Variants in BAHD1 observed in about 807,000 individuals in gnomAD.
BAHD1 encodes the protein bromo adjacent homology domain containing 1, also known as bromo adjacent homology domain-containing 1 protein.
A neutral mutation model predicts 63.1 loss-of-function variants in BAHD1; 20 were observed. The ratio of observed to expected loss-of-function variants is 0.32; its 90% confidence interval spans 0.22 to 0.46. The LOEUF is 0.46. BAHD1 is among the 20% of genes least tolerant of loss of function. The pLI is 1.00. For synonymous variants in BAHD1, 408 were observed against 426.8 expected (o/e 0.96, Z 0.54); for missense variants, 939 against 1,071.8 (o/e 0.88, Z 1.73).
rs1288381299 is a variant in BAHD1, at chr15:40,464,393, G to GCAGC, written c.1976-68_1976-65dup. 7 of 1,300,178 alleles carry GCAGC rather than the reference G, an allele frequency of 5.4e-6. No homozygotes were observed. The African/African-American group carries it at 8.8e-5, about 16-fold the overall frequency. The allele number at this position is 1,300,178 out of a possible 1,614,324, so 80.5% of individuals were successfully genotyped here. A position where few individuals can be genotyped will look rare whatever the true frequency, so the allele number is the denominator to read the frequency against. On this transcript the variant is annotated intron_variant, in intron 4 of 6. Coordinates refer to ENST00000416165, the MANE Select transcript of BAHD1 (RefSeq NM_014952.5). ...GATTGAGGTTGGATGAACCTCCAGG[G>GCAGC]CAGCCAGCCAGCCTCTCTGCCTGTC... is the stretch of plus-strand genomic sequence containing the variant.
chr15:40,460,943 C>G (rs1016010952), intron 2 of BAHD1, among the ~76,000 whole-genome samples: 3 of 152,116 alleles, frequency 2.0e-5, no homozygotes, highest in African/African-American at 7.2e-5. Flanking sequence ...CAAGTCTAGA[C>G]CCTTATCCCC....
rs751819808 is a variant in BAHD1, at chr15:40,459,223, T to A, written c.759T>A (p.Asn253Lys). The change falls in exon 2 of 7, where the codon AAT becomes AAA. Residue 253 changes from asparagine (N) to lysine (K), a missense_variant. Asn to Lys is a moderately conservative substitution (Grantham distance 94). This residue lies in a region of BAHD1 where 797 missense variants were observed against 813.3 expected (regional missense o/e 0.98). Transcript: ENST00000416165. ...CGAGGCCAAAGTGGCCCAAGGTCAATGGCAAGAACTATCCCAAGGCTTGGC... is the reference window on the plus strand; with the variant it reads ...CGAGGCCAAAGTGGCCCAAGGTCAAAGGCAAGAACTATCCCAAGGCTTGGC... The part of the protein sequence containing the change: ...KAPRPKWPKV[N>K]GKNYPKAWQG... 1 of 1,611,566 alleles carries A rather than the reference T, an allele frequency of 6.2e-7. No individual in the cohort carries two copies. Among genetic ancestry groups the A allele is most frequent in the Non-Finnish European group, 8.5e-7 (1 of 1,178,926 alleles).
rs1292657511 is a variant in BAHD1 at position 40,458,120 on chromosome 15, A to G, written c.-14-331A>G. Among the ~76,000 whole-genome samples, 1 of 152,166 alleles carries G rather than the reference A, an allele frequency of 6.6e-6. No homozygotes were observed. Among genetic ancestry groups the G allele is most frequent in the African/African-American group, 2.4e-5 (1 of 41,436 alleles). On this transcript the variant is annotated intron_variant, in intron 1 of 6. Transcript: ENST00000416165. This position sits in a 1 kb window ranked among gnomAD's most constrained non-coding sequence, Gnocchi z 4.7. The stretch of plus-strand genomic sequence containing the variant: ...GATGAATATCTAGTGAGAGAAGGAC[A>G]GGGGGAGAGAACAAAGAGCTTTGCC...
chr15:40,443,828 C>T (rs1170760860), intron 1 of BAHD1, among the ~76,000 whole-genome samples: 1 of 152,138 alleles, frequency 6.6e-6, no homozygotes, highest in Non-Finnish European at 1.5e-5. Context: ...AATGGCTCCC[C>T]GTTCCCTGCA....
chr15:40,462,839 T>C (rs1336549916), intron 3 of BAHD1, among the ~76,000 whole-genome samples: 1 of 151,954 alleles, frequency 6.6e-6, no homozygotes, highest in African/African-American at 2.4e-5. Context: ...GTAAAAACAT[T>C]AGTTAGCCAG....
rs756512138 is a variant in BAHD1, at chr15:40,458,760, C to T, written c.296C>T (p.Pro99Leu). Residue 99 changes from proline to leucine, a missense_variant, in exon 2 of 7, where the codon CCC becomes CTC. Coordinates refer to ENST00000416165, the MANE Select transcript of BAHD1 (RefSeq NM_014952.5). The surrounding 1 kb of genome is among the most constrained non-coding windows in gnomAD (Gnocchi z 4.7). ...ADELPPDLPK[P>L]PSPAPSSEDP... ...GAGCTACCGCCTGACCTGCCCAAGCCCCCCAGCCCGGCCCCATCCAGTGAA... is the reference window on the plus strand; with the variant it reads ...GAGCTACCGCCTGACCTGCCCAAGCTCCCCAGCCCGGCCCCATCCAGTGAA... The T allele has an allele frequency of 1.2e-6, 2 of 1,613,302 alleles. No individual in the cohort carries two copies. The highest frequency in any genetic ancestry group is 1.7e-6 in the Non-Finnish European group (2 of 1,180,018).
rs779173963 is a variant in BAHD1, at chr15:40,465,929, A to T, written c.2154-12A>T. 1.2e-5 allele frequency: 18 copies of T among 1,554,026 alleles called. No individual in the cohort carries two copies. In the South Asian group the frequency reaches 2.2e-4, roughly 19 times the overall value. ...GGCTGGAGTAAAGACAGTGAATGGT[A>T]TCTCTCTACAGGTTCTGTGCCATGG... On this transcript the variant is annotated splice_polypyrimidine_tract_variant and intron_variant, in intron 6 of 6. Coordinates refer to ENST00000416165, the MANE Select transcript of BAHD1 (RefSeq NM_014952.5).
intron 1 of BAHD1, among the ~76,000 whole-genome samples, chr15:40,445,567 A>G (rs1298863423): frequency 3.3e-5 from 5 of 152,142 alleles, no homozygotes; most frequent in African/African-American, 4.8e-5. Context: ...GAGAATAAAA[A>G]CCTTAAGGAA....
Position 40,462,264 on chromosome 15 carries a change from G to T in BAHD1, c.1785G>T (p.Gly595=). 1 of 1,610,000 alleles carries T rather than the reference G, an allele frequency of 6.2e-7. No homozygotes were observed. Among genetic ancestry groups the T allele is most frequent in the African/African-American group, 1.3e-5 (1 of 74,950 alleles). The change falls in exon 3 of 7, where the codon GGG becomes GGT. Residue 595 remains glycine (G), a synonymous_variant. Transcript: ENST00000416165. ...GCACTAATGGCTGGGTACCTGTTGG[G>T]GCTGCGTGTGAGAAGGCTGTGTATG... is the stretch of plus-strand genomic sequence containing the variant. The part of the protein sequence containing the change: ...RRRTNGWVPV[G]AACEKAVYVL...
intron 1 of BAHD1, among the ~76,000 whole-genome samples, chr15:40,447,228 G>T (rs977446136): frequency 5.3e-5 from 8 of 152,112 alleles, no homozygotes; most frequent in African/African-American, 1.9e-4. Context: ...CCTGCTTTGT[G>T]CCTGGAGGGG....
At chr15:40,450,761 C>T (rs969974247) in intron 1 of BAHD1, among the ~76,000 whole-genome samples, 4 of 152,184 alleles carry the variant, frequency 2.6e-5, no homozygotes, top group Admixed American at 6.5e-5. Context: ...AAGGGGTGCC[C>T]CCCAACCCCT....
At chr15:40,450,116 G>A (rs978850206) in intron 1 of BAHD1, among the ~76,000 whole-genome samples, 2 of 152,230 alleles carry the variant, frequency 1.3e-5, no homozygotes, top group Admixed American at 1.3e-4. Context: ...GTTAAGGAAG[G>A]CAGAGCCTAC....
In BAHD1 at chr15:40,458,419, GC is replaced by G; in HGVS notation, c.-14-31del. 6.5e-7 allele frequency: 1 copy of G among 1,527,762 alleles called. No individual in the cohort carries two copies. The highest frequency in any genetic ancestry group is 8.8e-7 in the Non-Finnish European group (1 of 1,136,346). 94.6% of individuals were successfully genotyped at this position (1,527,762 alleles called of 1,614,324 possible). On this transcript the variant is annotated intron_variant, in intron 1 of 6. Transcript: ENST00000416165. This position sits in a 1 kb window ranked among gnomAD's most constrained non-coding sequence, Gnocchi z 4.7. ...AGCAGGCAGGAGCAGGCCAGAGAGG[GC>G]TTCTCTCATTGCCCACCTTCTGTCC...
At chr15:40,457,224 AACT>A (rs1285683540) in intron 1 of BAHD1, among the ~76,000 whole-genome samples, 4 of 152,066 alleles carry the variant, frequency 2.6e-5, no homozygotes, top group Non-Finnish European at 5.9e-5. Flanking sequence ...TTCTTTTCCC[AACT>A]GTTTGTGGCC....
chr15:40,464,098 G>A, intron 4 of BAHD1, 78 bp downstream of exon 4: 1 of 1,523,256 alleles, frequency 6.6e-7, no homozygotes, highest in Non-Finnish European at 9.0e-7. Flanking sequence ...GCCCCTGCCT[G>A]GAGTTTGACC....
intron 2 of BAHD1, among the ~76,000 whole-genome samples, chr15:40,461,102 C>T (rs1894025472): frequency 6.6e-6 from 1 of 152,164 alleles, no homozygotes; most frequent in Non-Finnish European, 1.5e-5. Context: ...CTTTCCTAGC[C>T]ATGTGACTAT....
intron 1 of BAHD1, among the ~76,000 whole-genome samples, chr15:40,456,933 C>T (rs1036701703): frequency 7.2e-5 from 11 of 152,220 alleles, no homozygotes; most frequent in Admixed American, 1.3e-4. Flanking sequence ...CTCTGACCAC[C>T]GCCCTCTGCA....
At position 40,459,768 on chromosome 15, in the gene BAHD1, C is replaced by T. The variant is rs367799058; in HGVS notation, c.1304C>T (p.Ser435Phe). The T allele has an allele frequency of 2.4e-5, 38 of 1,613,862 alleles. No homozygotes were observed. Among genetic ancestry groups the T allele is most frequent in the Non-Finnish European group, 3.1e-5 (37 of 1,180,048 alleles). The change falls in exon 2 of 7, where the codon TCC becomes TTC. Residue 435 changes from serine to phenylalanine, a missense_variant. Coordinates refer to ENST00000416165, the MANE Select transcript of BAHD1 (RefSeq NM_014952.5). ...GTPFQHPPWG[S>F]SRYCSSEDTG... is the part of the protein sequence containing the mutation. ...CCTTTCCAGCACCCTCCCTGGGGCT[C>T]CTCTCGCTACTGCTCTAGCGAGGAC...
intron 1 of BAHD1, among the ~76,000 whole-genome samples, chr15:40,444,109 C>CTGTGTG (rs10692881): frequency 4.0e-4 from 60 of 150,218 alleles, no homozygotes; most frequent in East Asian, 1.2e-3. Context: ...TGTTAAACCT[C>CTGTGTG]TGTGTGTGTG....
Sources: allele counts gnomAD v4.1 joint callset (sites outside exome capture counted in the v4.1 genomes callset), GRCh38; gene constraint gnomAD v4.1.1; regional missense constraint gnomAD v4.1.1; non-coding constraint Gnocchi (gnomAD v3.1); transcripts MANE v1.5; gene names NCBI Gene and HGNC (gene_info 2026-07-23, HGNC 2026-07-21).